The following ARID4A variants were observed in gnomAD, a reference collection of about 807,000 sequenced individuals.
ARID4A encodes AT-rich interactive domain-containing protein 4A.
Under a neutral mutation model 148.6 loss-of-function variants are expected in ARID4A, and 39 were observed. That is an observed-to-expected ratio of 0.26 (90% CI 0.20 to 0.34). The LOEUF (loss-of-function observed/expected upper bound fraction) is 0.34, where lower values mean the gene tolerates loss of function less well. Ranked by LOEUF, ARID4A falls within the 10% of genes least tolerant of loss-of-function variation. The pLI is 1.00. For missense variants in ARID4A, 1,265 were observed against 1,449.1 expected, an observed-to-expected ratio of 0.87 and a Z score of 2.06; for synonymous variants, 475 against 481.2, an observed-to-expected ratio of 0.99 and a Z score of 0.17.
Position 58,359,938 on chromosome 14 carries a change from C to T in ARID4A, c.1938+722C>T, listed in dbSNP as rs185114734. On this transcript the variant is annotated intron_variant, in intron 18 of 23. Transcript: ENST00000355431. ...AAAATTAGCCGGTCGTGGTGGCCGGCGCCTGTAGTCCCAGCTACTCGGGAG... is the reference window on the plus strand; with the variant it reads ...AAAATTAGCCGGTCGTGGTGGCCGGTGCCTGTAGTCCCAGCTACTCGGGAG... 7.1e-3 allele frequency among the ~76,000 whole-genome samples: 1,077 copies of T among 152,076 alleles called. 40 individuals are homozygous for T. Among genetic ancestry groups the T allele is most frequent in the Admixed American group, 0.063 (955 of 15,264 alleles).
chr14:58,318,759 G>A lies in ARID4A; in HGVS notation c.403G>A (p.Val135Ile). The A allele has an allele frequency of 6.2e-7, 1 of 1,614,126 alleles. No homozygotes were observed. The highest frequency in any genetic ancestry group is 8.5e-7 in the Non-Finnish European group (1 of 1,179,990). The change falls in exon 7 of 24, where the codon GTA becomes ATA. Residue 135 changes from valine to isoleucine, a missense_variant. Around this residue, in one of 9 missense-constraint regions of ARID4A, gnomAD observed 249 missense variants for 277.2 expected, o/e 0.90. Coordinates refer to ENST00000355431, the MANE Select transcript of ARID4A (RefSeq NM_002892.4). The stretch of plus-strand genomic sequence containing the variant: ...AAATCCAGAGCATTTTGGAACTCCA[G>A]TAATTGCAAAGAAGACGAACAGAGG... ...LTNPEHFGTPVIAKKTNRGRR... is the reference protein window; with the variant it reads ...LTNPEHFGTPIIAKKTNRGRR...
rs371108435 is a variant in ARID4A, at chr14:58,340,435, C to T, written c.907-4260C>T. On this transcript the variant is annotated intron_variant, in intron 11 of 23. Coordinates refer to ENST00000355431, the MANE Select transcript of ARID4A (RefSeq NM_002892.4). ...CACAATCTTGGCTCACTACAACCTC[C>T]GCCTCCTGGGTTCAGGTGATTCTCC... Among the ~76,000 whole-genome samples, 6 of 152,204 alleles carry T rather than the reference C, an allele frequency of 3.9e-5. 1 individual carries two copies. The highest frequency in any genetic ancestry group is 2.9e-5 in the Non-Finnish European group (2 of 68,010).
chr14:58,324,903 A>T (rs990093123), intron 8 of ARID4A, among the ~76,000 whole-genome samples: 3 of 152,212 alleles, frequency 2.0e-5, no homozygotes, highest in African/African-American at 7.2e-5. Flanking sequence ...TATTGCCCTC[A>T]AGAAGCTTAC....
chr14:58,359,338 G>GGTCTATAT, intron 18 of ARID4A, 122 bp downstream of exon 18: 1 of 863,766 alleles, frequency 1.2e-6, no homozygotes, highest in South Asian at 1.9e-5. Context: ...AAGGTATATA[G>GGTCTATAT]ACCTCCCATA....
In ARID4A at chr14:58,304,927, T is replaced by C. The variant is rs768107080; in HGVS notation, c.118-17T>C. ...TTTAAAAGTAATATGCAAATTATTG[T>C]GCAAAATGTTTTTCAGGTACTCCTG... On this transcript the variant is annotated splice_polypyrimidine_tract_variant and intron_variant, in intron 3 of 23. Transcript: ENST00000355431. 1 of 1,600,024 alleles carries C rather than the reference T, an allele frequency of 6.2e-7. No individual in the cohort carries two copies. Among genetic ancestry groups the C allele is most frequent in the Non-Finnish European group, 8.5e-7 (1 of 1,173,398 alleles).
intron 19 of ARID4A, 105 bp from the exon 20 acceptor site, chr14:58,364,065 G>A: frequency 1.8e-6 from 1 of 547,718 alleles, no homozygotes; most frequent in Non-Finnish European, 2.8e-6. Context: ...GTATTCAGAG[G>A]TACATGATTA....
At position 58,365,426 on chromosome 14, in the gene ARID4A, G is replaced by C. The variant is rs2035314904; in HGVS notation, c.3212-92G>C. The C allele has an allele frequency of 2.6e-6, 3 of 1,145,630 alleles. No individual in the cohort carries two copies. The East Asian group carries it at 9.5e-5, about 36-fold the overall frequency. The allele number at this position is 1,145,630 out of a possible 1,614,324, so 71.0% of individuals were successfully genotyped here. ...TTCTCTCTTCTTTTCTTATTAAAAA[G>C]AAAGAAATGTCAGTGTAGTCTGTTG... On this transcript the variant is annotated intron_variant, in intron 20 of 23. Coordinates refer to ENST00000355431, the MANE Select transcript of ARID4A (RefSeq NM_002892.4).
intron 14 of ARID4A, 53 bp downstream of exon 14, chr14:58,347,170 C>A: frequency 1.9e-6 from 2 of 1,036,140 alleles, no homozygotes; most frequent in Non-Finnish European, 2.7e-6. Context: ...GAAATATTTT[C>A]CATTTACTTT....
intron 5 of ARID4A, among the ~76,000 whole-genome samples, chr14:58,313,827 C>A (rs1012637709): frequency 6.6e-6 from 1 of 152,134 alleles, no homozygotes; most frequent in African/African-American, 2.4e-5. Context: ...AGAAGAGTGT[C>A]CCAGCTCCAG....
rs370407045 is a variant in ARID4A, at chr14:58,311,877, C to A, written c.274+5765C>A. Among the ~76,000 whole-genome samples, 5 of 123,654 alleles carry A rather than the reference C, an allele frequency of 4.0e-5. No homozygotes were observed. In the East Asian group the frequency reaches 1.1e-3, roughly 27 times the overall value. The allele number at this position is 123,654 out of a possible 152,430, so 81.1% of individuals were successfully genotyped here. On this transcript the variant is annotated intron_variant, in intron 5 of 23. Coordinates refer to ENST00000355431, the MANE Select transcript of ARID4A (RefSeq NM_002892.4). Reference sequence around the variant, plus strand: ...ATATGATCTCACTTAAAAAGTCAAACTCTTATTAGAGAGTAGAGTGTTGGT... The same window carrying A: ...ATATGATCTCACTTAAAAAGTCAAAATCTTATTAGAGAGTAGAGTGTTGGT...
At position 58,366,259 on chromosome 14, in the gene ARID4A, T is replaced by G; in HGVS notation, c.3523+29T>G. 2.7e-6 allele frequency: 4 copies of G among 1,497,680 alleles called. No individual in the cohort carries two copies. In the South Asian group the frequency reaches 4.5e-5, roughly 17 times the overall value. 92.8% of individuals were successfully genotyped at this position (1,497,680 alleles called of 1,614,324 possible). On this transcript the variant is annotated intron_variant, in intron 22 of 23. Transcript: ENST00000355431. ...AGAAGCTTATAGAAAACTTGATAGA[T>G]GAATACTGTAAAGTGGAATAGATCT...
Position 58,354,688 on chromosome 14 carries a change from TAAAAAAA to T in ARID4A, c.1853+842_1853+848del, listed in dbSNP as rs201953201. Among the ~76,000 whole-genome samples the T allele has an allele frequency of 3.7e-3, 454 of 123,464 alleles. 1 individual carries two copies. Among genetic ancestry groups the T allele is most frequent in the Non-Finnish European group, 5.9e-3 (340 of 58,090 alleles). The allele number at this position is 123,464 out of a possible 152,430, so 81.0% of individuals were successfully genotyped here. ...ATAGAGCGAAACCCTGTCTCATAAA[TAAAAAAA>T]AAAAAAAAGAAAAAAGAGATTTTGC... On this transcript the variant is annotated intron_variant, in intron 17 of 23. Coordinates refer to ENST00000355431, the MANE Select transcript of ARID4A (RefSeq NM_002892.4).
At chr14:58,322,311 G>A (rs2032944349) in intron 7 of ARID4A, among the ~76,000 whole-genome samples, 1 of 152,010 alleles carries the variant, frequency 6.6e-6, no homozygotes, top group Admixed American at 6.6e-5. Context: ...AAGTACTCAG[G>A]ACATGATATA....
intron 7 of ARID4A, among the ~76,000 whole-genome samples, chr14:58,319,201 A>C (rs2032679272): frequency 6.6e-6 from 1 of 150,590 alleles, no homozygotes; most frequent in Non-Finnish European, 1.5e-5. Context: ...CTGGGACTAC[A>C]GGCATGTGCC....
At chr14:58,307,063 T>A (rs1854643750) in intron 5 of ARID4A, among the ~76,000 whole-genome samples, 1 of 152,222 alleles carries the variant, frequency 6.6e-6, no homozygotes. Context: ...ATAGTTGCTG[T>A]CATTATGTTG....
intron 6 of ARID4A, 37 bp downstream of exon 6, chr14:58,318,658 C>T: frequency 6.2e-7 from 1 of 1,612,678 alleles, no homozygotes; most frequent in African/African-American, 1.3e-5. Flanking sequence ...GATTGAACTA[C>T]AGGTACTGAT....
intron 22 of ARID4A, among the ~76,000 whole-genome samples, chr14:58,366,446 C>G (rs1025052024): frequency 6.6e-6 from 1 of 152,138 alleles, no homozygotes; most frequent in African/African-American, 2.4e-5. Flanking sequence ...ACAGGAAGGT[C>G]TCCATTAAGA....
At chr14:58,316,752 G>A (rs2140158053) in intron 5 of ARID4A, among the ~76,000 whole-genome samples, 1 of 152,114 alleles carries the variant, frequency 6.6e-6, no homozygotes, top group Non-Finnish European at 1.5e-5. Context: ...GGCTAATTTT[G>A]TATTTTTAGT....
chr14:58,339,964 C>A (rs1241543286), intron 11 of ARID4A, among the ~76,000 whole-genome samples: 2 of 152,030 alleles, frequency 1.3e-5, no homozygotes, highest in African/African-American at 4.8e-5. Context: ...AGGGTGAAAT[C>A]TGCCCCATGA....
Sources: gnomAD v4.1 joint callset for allele counts (sites outside exome capture counted in the v4.1 genomes callset) on GRCh38, gnomAD v4.1.1 for gene constraint, gnomAD v4.1.1 regional missense constraint, MANE v1.5 for transcripts, NCBI Gene and HGNC (gene_info 2026-07-23, HGNC 2026-07-21) for gene names.